CASR: variants seen among roughly 807,000 people sequenced by gnomAD.
The protein encoded by CASR is calcium sensing receptor, also known as extracellular calcium-sensing receptor.
Under a neutral mutation model 69.1 loss-of-function variants are expected in CASR, and 23 were observed. That is an observed-to-expected ratio of 0.33 (90% CI 0.24 to 0.47). The LOEUF is 0.47. CASR is among the 20% of genes least tolerant of loss of function. The pLI, the probability that CASR is intolerant of heterozygous loss-of-function variation, is 1.00. For synonymous variants in CASR, 541 were observed against 544.7 expected (o/e 0.99, Z 0.10); for missense variants, 924 against 1,356.1 (o/e 0.68, Z 5.00).
At chr3:122,252,457 A>AG in intron 1 of CASR, among the ~76,000 whole-genome samples, 3 of 76,180 alleles carry the variant, frequency 3.9e-5, no homozygotes, top group African/African-American at 1.1e-4. Flanking sequence ...AAAAAAAGAA[A>AG]AGAAAGAAAA....
At chr3:122,273,502 C>T (rs905039125) in intron 4 of CASR, among the ~76,000 whole-genome samples, 2 of 152,178 alleles carry the variant, frequency 1.3e-5, no homozygotes, top group African/African-American at 4.8e-5. Flanking sequence ...TTCTCATCTC[C>T]TTTTCCACAC....
At position 122,262,159 on chromosome 3, in the gene CASR, G is replaced by A. The variant is rs760190284; in HGVS notation, c.1124G>A (p.Arg375Lys). 6 of 1,614,212 alleles carry A rather than the reference G, an allele frequency of 3.7e-6. No homozygotes were observed. In the East Asian group the frequency reaches 1.1e-4, roughly 30 times the overall value. ...CCTTTACCTGTGGACACCTTTCTGAGAGGTCACGAAGAAAGTGGCGACAGG... is the reference window on the plus strand; with the variant it reads ...CCTTTACCTGTGGACACCTTTCTGAAAGGTCACGAAGAAAGTGGCGACAGG... Reference protein sequence around the residue: ...KGPLPVDTFLRGHEESGDRFS... With the variant: ...KGPLPVDTFLKGHEESGDRFS... Residue 375 changes from arginine to lysine, a missense_variant, in exon 4 of 7, where the codon AGA becomes AAA. Arg to Lys is a conservative substitution (Grantham distance 26). Coordinates refer to ENST00000639785, the MANE Select transcript of CASR (RefSeq NM_000388.4).
intron 1 of CASR, among the ~76,000 whole-genome samples, chr3:122,224,773 C>G (rs1221542629): frequency 6.6e-6 from 1 of 152,174 alleles, no homozygotes; most frequent in Non-Finnish European, 1.5e-5. Flanking sequence ...GGAGGCATCA[C>G]ACTCCCTGAC....
At chr3:122,191,775 C>A (rs1010160757) in intron 1 of CASR, among the ~76,000 whole-genome samples, 6 of 151,952 alleles carry the variant, frequency 3.9e-5, no homozygotes, top group Non-Finnish European at 8.8e-5. Context: ...AAAAAGTAGC[C>A]AAAGGTTGTA....
chr3:122,214,938 A>C (rs748240130), intron 1 of CASR, among the ~76,000 whole-genome samples: 1 of 152,240 alleles, frequency 6.6e-6, no homozygotes, highest in Non-Finnish European at 1.5e-5. Context: ...TGTGGAATGC[A>C]TCACTGAGAG....
intron 1 of CASR, among the ~76,000 whole-genome samples, chr3:122,249,343 CCTTT>C (rs1458709855): frequency 6.6e-6 from 1 of 152,218 alleles, no homozygotes; most frequent in Non-Finnish European, 1.5e-5. Context: ...TTATAATGCG[CCTTT>C]CTGTCTCTTT....
intron 3 of CASR, among the ~76,000 whole-genome samples, chr3:122,260,085 A>G (rs781346658): frequency 6.6e-6 from 1 of 152,132 alleles, no homozygotes; most frequent in Non-Finnish European, 1.5e-5. Flanking sequence ...GGAACTTCCT[A>G]AGTGGTGAGC....
At chr3:122,269,091 G>T (rs1206451601) in intron 4 of CASR, among the ~76,000 whole-genome samples, 1 of 152,138 alleles carries the variant, frequency 6.6e-6, no homozygotes, top group East Asian at 1.9e-4. Flanking sequence ...AGCCTAATTT[G>T]TACTAATAAA....
At position 122,261,924 on chromosome 3, in the gene CASR, G is replaced by A. The variant is rs121909259; in HGVS notation, c.889G>A (p.Glu297Lys). 2.5e-6 allele frequency: 4 copies of A among 1,614,196 alleles called. No homozygotes were observed. The highest frequency in any genetic ancestry group is 2.5e-6 in the Non-Finnish European group (3 of 1,180,014). ...NITGKIWLASEAWASSSLIAM... is the reference protein window; with the variant it reads ...NITGKIWLASKAWASSSLIAM... ...CACGGGCAAGATCTGGCTGGCCAGC[G>A]AGGCCTGGGCCAGCTCCTCCCTGAT... Residue 297 changes from glutamate (E) to lysine (K), a missense_variant, in exon 4 of 7, where the codon GAG becomes AAG. Around this residue, in one of 8 missense-constraint regions of CASR, gnomAD observed 310 missense variants for 395.7 expected, o/e 0.78. Transcript: ENST00000639785.
chr3:122,199,051 GCTA>G (rs2073917330), intron 1 of CASR, among the ~76,000 whole-genome samples: 1 of 152,072 alleles, frequency 6.6e-6, no homozygotes. Flanking sequence ...AGTTCATTAT[GCTA>G]CTACTTGTGT....
At chr3:122,242,220 TAGAA>T (rs1352702918) in intron 1 of CASR, among the ~76,000 whole-genome samples, 1 of 151,926 alleles carries the variant, frequency 6.6e-6, no homozygotes, top group Non-Finnish European at 1.5e-5. Flanking sequence ...TCATCCACAT[TAGAA>T]AGAAAGAAGC....
chr3:122,196,448 T>C (rs2073891746), intron 1 of CASR, among the ~76,000 whole-genome samples: 1 of 152,218 alleles, frequency 6.6e-6, no homozygotes, highest in Admixed American at 6.5e-5. Flanking sequence ...TTCTTTTATC[T>C]TTTTTACTAT....
At chr3:122,193,341 C>G (rs551194774) in intron 1 of CASR, among the ~76,000 whole-genome samples, 49 of 151,938 alleles carry the variant, frequency 3.2e-4, no homozygotes, top group Non-Finnish European at 6.3e-4. Context: ...CTCAGCCTCC[C>G]AAGTAGCTGA....
At chr3:122,216,582 T>G (rs938768787) in intron 1 of CASR, among the ~76,000 whole-genome samples, 11 of 152,162 alleles carry the variant, frequency 7.2e-5, no homozygotes, top group African/African-American at 2.7e-4. Flanking sequence ...AAATAGGGAA[T>G]AAGGACAAAA....
At chr3:122,228,534 A>C (rs1461717723) in intron 1 of CASR, among the ~76,000 whole-genome samples, 1 of 152,188 alleles carries the variant, frequency 6.6e-6, no homozygotes, top group Non-Finnish European at 1.5e-5. Flanking sequence ...TCTTCAATTG[A>C]GATTACACCT....
In CASR at chr3:122,254,280, G is replaced by A; in HGVS notation, c.91G>A (p.Asp31Asn). 1 of 1,614,126 alleles carries A rather than the reference G, an allele frequency of 6.2e-7. No homozygotes were observed. Among genetic ancestry groups the A allele is most frequent in the Non-Finnish European group, 8.5e-7 (1 of 1,180,016 alleles). ...GPDQRAQKKG[D>N]IILGGLFPIH... The stretch of plus-strand genomic sequence containing the variant: ...AGACCAGCGAGCCCAAAAGAAGGGG[G>A]ACATTATCCTTGGGGGGCTCTTTCC... Residue 31 changes from aspartate to asparagine, a missense_variant, in exon 2 of 7, where the codon GAC (aspartate) becomes AAC (asparagine). By Grantham distance (23) the Asp-to-Asn change is conservative. Around this residue, in one of 8 missense-constraint regions of CASR, gnomAD observed 141 missense variants for 283.0 expected, o/e 0.50. Coordinates refer to ENST00000639785, the MANE Select transcript of CASR (RefSeq NM_000388.4).
chr3:122,266,800 C>T (rs897843735), intron 4 of CASR, among the ~76,000 whole-genome samples: 1 of 151,986 alleles, frequency 6.6e-6, no homozygotes, highest in Non-Finnish European at 1.5e-5. Context: ...GTCAGAAGTT[C>T]GAGACCAGCC....
Position 122,242,702 on chromosome 3 carries a change from A to G in CASR, c.-242-11246A>G, listed in dbSNP as rs191929285. On this transcript the variant is annotated intron_variant, in intron 1 of 6. Transcript: ENST00000639785. Reference sequence around the variant, plus strand: ...TAAAATTTATATGGAACCACAAAAGACCCAGAATAGCCAAAGCTATGCTTA... The same window carrying G: ...TAAAATTTATATGGAACCACAAAAGGCCCAGAATAGCCAAAGCTATGCTTA... Among the ~76,000 whole-genome samples the G allele has an allele frequency of 6.6e-5, 10 of 152,262 alleles. No individual in the cohort carries two copies. In the East Asian group the frequency reaches 1.7e-3, roughly 26 times the overall value.
At chr3:122,254,611 A>T (rs2074534777) in intron 2 of CASR, among the ~76,000 whole-genome samples, 2 of 152,068 alleles carry the variant, frequency 1.3e-5, no homozygotes, top group African/African-American at 4.8e-5. Flanking sequence ...CTGTTAAAGC[A>T]CCTGGTGGTC....
Sources: allele counts gnomAD v4.1 joint callset (sites outside exome capture counted in the v4.1 genomes callset), GRCh38; gene constraint gnomAD v4.1.1; regional missense constraint gnomAD v4.1.1; transcripts MANE v1.5; gene names NCBI Gene and HGNC (gene_info 2026-07-23, HGNC 2026-07-21).